DYNC2H1: variants seen among roughly 807,000 people sequenced by gnomAD.
DYNC2H1 encodes dynein cytoplasmic 2 heavy chain 1.
A neutral mutation model predicts 570.0 loss-of-function variants in DYNC2H1; 410 were observed. The observed-to-expected ratio is 0.72, with a 90% confidence interval of 0.66 to 0.78. The LOEUF (loss-of-function observed/expected upper bound fraction) is 0.78. Ranked by LOEUF, DYNC2H1 falls within the 30% of genes least tolerant of loss-of-function variation. DYNC2H1 has a pLI of 0.00. For synonymous variants in DYNC2H1, 1,688 were observed against 1,677.6 expected, an observed-to-expected ratio of 1.01 and a Z score of -0.15; for missense variants, 4,865 against 5,046.4, an observed-to-expected ratio of 0.96 and a Z score of 1.09.
At chr11:103,421,194 A>G (rs1475239933) in intron 84 of DYNC2H1, among the ~76,000 whole-genome samples, 1 of 152,022 alleles carries the variant, frequency 6.6e-6, no homozygotes, top group Non-Finnish European at 1.5e-5. Context: ...TCAAATAGAT[A>G]TGCACCCAGA....
Position 103,152,130 on chromosome 11 carries a change from C to G in DYNC2H1, c.2947-6C>G, listed in dbSNP as rs1243423810. ...TTCAATTTGTTTTTTTTTTTTTAAC[C>G]TTTAGATTTTGCCCTTATTTCAAGA... On this transcript the variant is annotated splice_region_variant and splice_polypyrimidine_tract_variant and intron_variant, in intron 20 of 88. Transcript: ENST00000375735. 6.8e-7 allele frequency: 1 copy of G among 1,463,604 alleles called. No homozygotes were observed. Among genetic ancestry groups the G allele is most frequent in the Non-Finnish European group, 9.2e-7 (1 of 1,085,908 alleles). The allele number at this position is 1,463,604 out of a possible 1,614,324, so 90.7% of individuals were successfully genotyped here.
intron 85 of DYNC2H1, among the ~76,000 whole-genome samples, chr11:103,441,867 G>A (rs1311232324): frequency 2.0e-5 from 3 of 148,986 alleles, no homozygotes; most frequent in South Asian, 4.2e-4. Flanking sequence ...CATTTTTTGA[G>A]GTGTCTTACT....
At chr11:103,171,090 T>G (rs1434335359) in intron 34 of DYNC2H1, 22 bp downstream of exon 34, 1 of 1,527,846 alleles carries the variant, frequency 6.5e-7, no homozygotes, top group South Asian at 1.3e-5. Flanking sequence ...GTTGGGAATT[T>G]AAAGAATTAA....
At chr11:103,374,073 AAT>A (rs1941289992) in intron 83 of DYNC2H1, among the ~76,000 whole-genome samples, 1 of 152,162 alleles carries the variant, frequency 6.6e-6, no homozygotes, top group South Asian at 2.1e-4. Flanking sequence ...ATTTGTCTTT[AAT>A]GAGTAGGCAA....
intron 17 of DYNC2H1, among the ~76,000 whole-genome samples, chr11:103,141,326 A>T (rs939943269): frequency 1.3e-5 from 2 of 151,148 alleles, no homozygotes; most frequent in East Asian, 3.9e-4. Flanking sequence ...TTTTTTCCCC[A>T]TGTGGTTTTA....
chr11:103,387,696 A>G (rs1389165932), intron 83 of DYNC2H1, among the ~76,000 whole-genome samples: 1 of 152,122 alleles, frequency 6.6e-6, no homozygotes, highest in Non-Finnish European at 1.5e-5. Flanking sequence ...TAAGGAAGGG[A>G]TCCAGTTTCA....
chr11:103,328,209 T>C (rs1222133288), intron 82 of DYNC2H1, among the ~76,000 whole-genome samples: 1 of 152,232 alleles, frequency 6.6e-6, no homozygotes, highest in Non-Finnish European at 1.5e-5. Context: ...TGGTTAACAC[T>C]TATTTTCTTA....
chr11:103,460,872 G>T (rs968952816), intron 87 of DYNC2H1, among the ~76,000 whole-genome samples: 2 of 152,084 alleles, frequency 1.3e-5, no homozygotes, highest in East Asian at 1.9e-4. Context: ...TTCATTAAAA[G>T]ATATTTTATT....
intron 70 of DYNC2H1, among the ~76,000 whole-genome samples, chr11:103,267,059 C>G (rs1360873954): frequency 6.6e-6 from 1 of 152,176 alleles, no homozygotes; most frequent in Non-Finnish European, 1.5e-5. Flanking sequence ...GTAAGCCCCT[C>G]TCCCTGCCAA....
Position 103,321,165 on chromosome 11 carries a change from T to A in DYNC2H1, c.11862T>A (p.Asp3954Glu). ...LKQFFNSSVI[D>E]VFNQRNKKSI... ...AGTTTTTTAATTCTTCAGTTATTGA[T>A]GTATTCAACCAAAGGAACAAGAAAA... The change falls in exon 81 of 89, where the codon GAT becomes GAA. Residue 3954 changes from aspartate (D) to glutamate (E), a missense_variant. Physicochemically the swap from Asp to Glu is conservative, Grantham distance 45. Coordinates refer to ENST00000375735, the MANE Select transcript of DYNC2H1 (RefSeq NM_001377.3). 1 of 1,612,184 alleles carries A rather than the reference T, an allele frequency of 6.2e-7. No individual in the cohort carries two copies. Among genetic ancestry groups the A allele is most frequent in the Non-Finnish European group, 8.5e-7 (1 of 1,178,950 alleles).
chr11:103,318,395 A>G (rs1473106190), intron 80 of DYNC2H1, among the ~76,000 whole-genome samples: 1 of 152,192 alleles, frequency 6.6e-6, no homozygotes. Context: ...AACTGGAAAC[A>G]TACAGCATAT....
chr11:103,352,467 T>G (rs1467889656), intron 82 of DYNC2H1, among the ~76,000 whole-genome samples: 1 of 152,226 alleles, frequency 6.6e-6, no homozygotes, highest in African/African-American at 2.4e-5. Flanking sequence ...TTTATTAAAA[T>G]TACTTACTTG....
At chr11:103,391,921 C>T (rs573545309) in intron 83 of DYNC2H1, among the ~76,000 whole-genome samples, 2 of 152,192 alleles carry the variant, frequency 1.3e-5, no homozygotes, top group African/African-American at 4.8e-5. Flanking sequence ...GGGGGTGCCT[C>T]CCAGTTAGGC....
At position 103,236,505 on chromosome 11, in the gene DYNC2H1, A is replaced by G. The variant is rs1429315274; in HGVS notation, c.9785A>G (p.Asp3262Gly). 3.1e-6 allele frequency: 5 copies of G among 1,604,314 alleles called. No homozygotes were observed. The highest frequency in any genetic ancestry group is 4.3e-6 in the Non-Finnish European group (5 of 1,173,038). ...AAAAGTGAAGGCCTACCATCAGATGACCTTTCCATAGAAAATGCTCTTGTA... is the reference window on the plus strand; with the variant it reads ...AAAAGTGAAGGCCTACCATCAGATGGCCTTTCCATAGAAAATGCTCTTGTA... ...IWKSEGLPSD[D>G]LSIENALVIL... Residue 3262 changes from aspartate to glycine, a missense_variant, in exon 63 of 89, where the codon GAC (aspartate) becomes GGC (glycine). By Grantham distance (94) the Asp-to-Gly change is moderately conservative. Coordinates refer to ENST00000375735, the MANE Select transcript of DYNC2H1 (RefSeq NM_001377.3).
intron 35 of DYNC2H1, among the ~76,000 whole-genome samples, 157 bp from the exon 36 acceptor site, chr11:103,173,898 A>G (rs754734315): frequency 6.6e-6 from 1 of 152,146 alleles, no homozygotes; most frequent in Non-Finnish European, 1.5e-5. Flanking sequence ...GCTTACTTGA[A>G]TGATTATTTT....
chr11:103,344,242 T>C (rs1010825179), intron 82 of DYNC2H1, among the ~76,000 whole-genome samples: 2 of 152,220 alleles, frequency 1.3e-5, no homozygotes, highest in African/African-American at 4.8e-5. Flanking sequence ...GACTTCCTCA[T>C]AGTCTTAAAC....
At chr11:103,317,196 C>A (rs1467195987) in intron 80 of DYNC2H1, among the ~76,000 whole-genome samples, 2 of 152,068 alleles carry the variant, frequency 1.3e-5, no homozygotes, top group East Asian at 3.9e-4. Context: ...TGATAGTAAT[C>A]TCAAACTTAA....
At chr11:103,146,424 A>G (rs1349219870) in intron 18 of DYNC2H1, among the ~76,000 whole-genome samples, 63 of 152,174 alleles carry the variant, frequency 4.1e-4, no homozygotes, top group Non-Finnish European at 8.8e-5. Flanking sequence ...GGTACAATGG[A>G]AATAATTACT....
chr11:103,164,026 A>G (rs998657597), intron 30 of DYNC2H1, among the ~76,000 whole-genome samples: 3 of 152,210 alleles, frequency 2.0e-5, no homozygotes, highest in African/African-American at 7.2e-5. Flanking sequence ...AAAAAGCTCA[A>G]ATTCTTAGAG....
Sources: allele counts gnomAD v4.1 joint callset (sites outside exome capture counted in the v4.1 genomes callset), GRCh38; gene constraint gnomAD v4.1.1; transcripts MANE v1.5; gene names NCBI Gene and HGNC (gene_info 2026-07-23, HGNC 2026-07-21).